Variants in TMEM132D observed in about 807,000 individuals in gnomAD.
TMEM132D encodes transmembrane protein 132D.
A neutral mutation model predicts 62.3 loss-of-function variants in TMEM132D; 21 were observed. The ratio of observed to expected loss-of-function variants is 0.34; its 90% CI spans 0.24 to 0.49. The LOEUF is 0.49. Among genes scored for constraint, TMEM132D ranks in the 20% least tolerant of loss-of-function variants. The probability of loss-of-function intolerance (pLI) is 0.99; values close to 1 mark genes in which losing one functional copy is unlikely to be tolerated. For synonymous variants in TMEM132D, 621 were observed against 575.6 expected, an observed-to-expected ratio of 1.08 and a Z score of -1.13; for missense variants, 1,346 against 1,402.8, an observed-to-expected ratio of 0.96 and a Z score of 0.65.
intron 1 of TMEM132D, among the ~76,000 whole-genome samples, chr12:129,726,703 AACT>A (rs1423352551): frequency 6.6e-6 from 1 of 152,180 alleles, no homozygotes; most frequent in Non-Finnish European, 1.5e-5. Context: ...GTTAGGAGGC[AACT>A]GCAGTAATGA....
At chr12:129,280,522 C>T (rs1308889002) in intron 4 of TMEM132D, among the ~76,000 whole-genome samples, 1 of 152,128 alleles carries the variant, frequency 6.6e-6, no homozygotes, top group African/African-American at 2.4e-5. Context: ...ACAGACTTTT[C>T]CTTAGGACGT....
chr12:129,541,654 A>T (rs1158436382), intron 2 of TMEM132D, among the ~76,000 whole-genome samples: 1 of 152,164 alleles, frequency 6.6e-6, no homozygotes, highest in Non-Finnish European at 1.5e-5. Context: ...CATGTCAATG[A>T]TTGGGATGTG....
At chr12:129,259,264 A>G (rs999090549) in intron 4 of TMEM132D, among the ~76,000 whole-genome samples, 13 of 152,136 alleles carry the variant, frequency 8.5e-5, no homozygotes, top group Non-Finnish European at 1.2e-4. Context: ...CCATACGGTG[A>G]GTGTTGGAAG....
chr12:129,087,931 T>C (rs1160456621), intron 5 of TMEM132D, among the ~76,000 whole-genome samples: 3 of 96,470 alleles, frequency 3.1e-5, no homozygotes, highest in African/African-American at 1.5e-4. Flanking sequence ...TGACCGGGTG[T>C]CCTCCATGAC....
chr12:129,093,756 G>T (rs1308292190), intron 5 of TMEM132D, among the ~76,000 whole-genome samples: 5 of 152,158 alleles, frequency 3.3e-5, no homozygotes, highest in Admixed American at 2.6e-4. Context: ...AATGAAGCTG[G>T]AGGCATCACA....
At chr12:129,218,713 C>T (rs974714131) in intron 4 of TMEM132D, among the ~76,000 whole-genome samples, 5 of 152,198 alleles carry the variant, frequency 3.3e-5, no homozygotes, top group African/African-American at 1.2e-4. Flanking sequence ...CATTGAGATG[C>T]AAACTTTTTG....
At position 129,227,300 on chromosome 12, in the gene TMEM132D, AATATAT is replaced by A. The variant is rs141108255; in HGVS notation, c.1300-17643_1300-17638del. Among the ~76,000 whole-genome samples, 41 of 108,736 alleles carry A rather than the reference AATATAT, an allele frequency of 3.8e-4. 4 individuals carry two copies. Among genetic ancestry groups the A allele is most frequent in the Admixed American group, 8.8e-4 (9 of 10,190 alleles). The allele number at this position is 108,736 out of a possible 152,430, so 71.3% of individuals were successfully genotyped here. On this transcript the variant is annotated intron_variant, in intron 4 of 8. Coordinates refer to ENST00000422113, the MANE Select transcript of TMEM132D (RefSeq NM_133448.3). ...ATCTGTCATCTGTCCTGCGTTAGGA[AATATAT>A]ATATATATATATATATATATGGCGC...
In TMEM132D at chr12:129,337,685, G is replaced by C. The variant is rs372252792; in HGVS notation, c.1248C>G (p.Ser416=). 6.2e-7 allele frequency: 1 copy of C among 1,614,150 alleles called. No homozygotes were observed. The highest frequency in any genetic ancestry group is 8.5e-7 in the Non-Finnish European group (1 of 1,180,024). The part of the protein sequence containing the change: ...PGEITSDLGV[S]KIYVSPKDLI... The stretch of plus-strand genomic sequence containing the variant: ...AGTCCTTTGGGCTCACATAGATCTT[G>C]GACACTCCCAAGTCAGACGTGATCT... The change falls in exon 4 of 9, where the codon TCC becomes TCG. Residue 416 remains serine (S), a synonymous_variant. Coordinates refer to ENST00000422113, the MANE Select transcript of TMEM132D (RefSeq NM_133448.3).
rs563722071 is a variant in TMEM132D, at chr12:129,328,625, A to C, written c.1299+9009T>G. 2.0e-5 allele frequency among the ~76,000 whole-genome samples: 3 copies of C among 152,372 alleles called. No individual in the cohort carries two copies. In the East Asian group the frequency reaches 5.8e-4, roughly 29 times the overall value. On this transcript the variant is annotated intron_variant, in intron 4 of 8. Transcript: ENST00000422113. ...AAAAGAAAAGGCAGTGGCTTTGTGCATAATAAATAATTCATTTTCAGATGA... is the reference window on the plus strand; with the variant it reads ...AAAAGAAAAGGCAGTGGCTTTGTGCCTAATAAATAATTCATTTTCAGATGA...
intron 2 of TMEM132D, among the ~76,000 whole-genome samples, chr12:129,616,349 G>C (rs1018312364): frequency 1.3e-5 from 2 of 152,180 alleles, no homozygotes; most frequent in African/African-American, 4.8e-5. Flanking sequence ...ATTATCGGGA[G>C]AGGGACACCA....
At chr12:129,225,729 T>C (rs1206252264) in intron 4 of TMEM132D, among the ~76,000 whole-genome samples, 2 of 152,148 alleles carry the variant, frequency 1.3e-5, no homozygotes, top group Non-Finnish European at 2.9e-5. Flanking sequence ...ATGGATTCAA[T>C]TACGTTCCTG....
At position 129,700,463 on chromosome 12, in the gene TMEM132D, C is replaced by G. The variant is rs386352372; in HGVS notation, c.315G>C (p.Val105=). 3.7e-6 allele frequency: 6 copies of G among 1,613,984 alleles called. No individual in the cohort carries two copies. The highest frequency in any genetic ancestry group is 5.1e-6 in the Non-Finnish European group (6 of 1,180,030). The change falls in exon 2 of 9, where the codon GTG becomes GTC. Residue 105 remains valine (V), a synonymous_variant. Coordinates refer to ENST00000422113, the MANE Select transcript of TMEM132D (RefSeq NM_133448.3). The part of the protein sequence containing the change: ...ASYGPFSIEQ[V]VPQDLMLPSN... Reference sequence around the variant, plus strand: ...AAGGTAGCATTAAATCCTGGGGCACCACTTGCTCGATGGAGAAAGGCCCGT... The same window carrying G: ...AAGGTAGCATTAAATCCTGGGGCACGACTTGCTCGATGGAGAAAGGCCCGT...
intron 4 of TMEM132D, among the ~76,000 whole-genome samples, chr12:129,313,417 G>C (rs990693617): frequency 6.6e-6 from 1 of 152,078 alleles, no homozygotes; most frequent in East Asian, 1.9e-4. Context: ...GACATACAAT[G>C]TTTGACTTTC....
chr12:129,394,884 C>G (rs11060314), intron 3 of TMEM132D, among the ~76,000 whole-genome samples: 60,634 of 152,100 alleles, frequency 0.4, 12,455 homozygotes, highest in South Asian at 0.63. Flanking sequence ...TGACAGAAAG[C>G]TTCTGAAACG....
intron 3 of TMEM132D, among the ~76,000 whole-genome samples, chr12:129,392,192 G>T (rs1287254532): frequency 2.1e-4 from 32 of 151,874 alleles, no homozygotes. Context: ...TGAGTAGCTG[G>T]GATTACAGGC....
intron 3 of TMEM132D, among the ~76,000 whole-genome samples, chr12:129,342,073 T>C (rs1382890518): frequency 1.3e-5 from 2 of 152,162 alleles, no homozygotes; most frequent in African/African-American, 4.8e-5. Flanking sequence ...TGGAAATAAC[T>C]ACTTTAAAGT....
At chr12:129,123,924 T>G (rs2135657089) in intron 5 of TMEM132D, among the ~76,000 whole-genome samples, 1 of 152,206 alleles carries the variant, frequency 6.6e-6, no homozygotes, top group Middle Eastern at 3.4e-3. Context: ...GGCCTTTGGG[T>G]TTGGACTGGA....
chr12:129,741,013 G>A (rs1265527157), intron 1 of TMEM132D, among the ~76,000 whole-genome samples: 1 of 152,180 alleles, frequency 6.6e-6, no homozygotes, highest in Non-Finnish European at 1.5e-5. Flanking sequence ...GAGCTTTGGG[G>A]AAATTATGAT....
intron 3 of TMEM132D, among the ~76,000 whole-genome samples, chr12:129,525,145 T>C (rs1875984134): frequency 6.7e-6 from 1 of 148,886 alleles, no homozygotes; most frequent in South Asian, 2.1e-4. Flanking sequence ...CAGGATGGTC[T>C]CGATCTCCTG....
Sources: gnomAD v4.1 joint callset for allele counts (sites outside exome capture counted in the v4.1 genomes callset) on GRCh38, gnomAD v4.1.1 for gene constraint, MANE v1.5 for transcripts, NCBI Gene and HGNC (gene_info 2026-07-23, HGNC 2026-07-21) for gene names.